Variants in MAPK8IP1 observed in about 807,000 individuals in gnomAD.
The protein encoded by MAPK8IP1 is mitogen-activated protein kinase 8 interacting protein 1, also known as C-Jun-amino-terminal kinase-interacting protein 1.
MAPK8IP1 carries 17 observed loss-of-function variants against 72.6 expected under a neutral mutation model. That is an observed-to-expected ratio of 0.23 (90% confidence interval 0.16 to 0.35). MAPK8IP1 has a LOEUF of 0.35. MAPK8IP1 is among the 10% of genes least tolerant of loss of function. The pLI is 1.00. For synonymous variants in MAPK8IP1, 401 were observed against 443.4 expected, an observed-to-expected ratio of 0.90 and a Z score of 1.20; for missense variants, 789 against 1,009.7, an observed-to-expected ratio of 0.78 and a Z score of 2.96.
intron 1 of MAPK8IP1, among the ~76,000 whole-genome samples, chr11:45,886,486 G>A (rs2086528521): frequency 6.6e-6 from 1 of 152,210 alleles, no homozygotes; most frequent in South Asian, 2.1e-4. Context: ...CAGGGCAGGC[G>A]CTGAAGGCTC....
chr11:45,897,247 G>A (rs2086615892), intron 1 of MAPK8IP1, among the ~76,000 whole-genome samples: 1 of 151,904 alleles, frequency 6.6e-6, no homozygotes, highest in South Asian at 2.1e-4. Context: ...ACCTAGAGGT[G>A]AGCAAGAGAC....
intron 3 of MAPK8IP1, among the ~76,000 whole-genome samples, chr11:45,901,770 G>A (rs1400651778): frequency 2.6e-5 from 4 of 152,212 alleles, no homozygotes; most frequent in Non-Finnish European, 5.9e-5. Context: ...GAGCAAGGCG[G>A]AGGGCCATCC....
chr11:45,903,433 A>G lies in MAPK8IP1; in HGVS notation c.1486A>G (p.Ile496Val), dbSNP rs764382303. 6.2e-7 allele frequency: 1 copy of G among 1,612,422 alleles called. No individual in the cohort carries two copies. The highest frequency in any genetic ancestry group is 2.2e-5 in the East Asian group (1 of 44,886). The change falls in exon 6 of 12, where the codon ATA (isoleucine) becomes GTA (valine). Residue 496 changes from isoleucine to valine, a missense_variant. Transcript: ENST00000241014. This position sits in a 1 kb window ranked among gnomAD's most constrained non-coding sequence, Gnocchi z 6.4. ...GGAGCAGGAGCAGACCCACCGGGCCATATTCAGGTGAGAGCCATGGGCTGG... is the reference window on the plus strand; with the variant it reads ...GGAGCAGGAGCAGACCCACCGGGCCGTATTCAGGTGAGAGCCATGGGCTGG... ...GEEQEQTHRA[I>V]FRFVPRHEDE...
Position 45,906,357 on chromosome 11 carries a change from CA to C in MAPK8IP1, c.*638del. On this transcript the variant is annotated 3_prime_UTR_variant, in exon 12 of 12. Coordinates refer to ENST00000241014, the MANE Select transcript of MAPK8IP1 (RefSeq NM_005456.4). The stretch of plus-strand genomic sequence containing the variant: ...CTCAGGCGGGGAGGAGGAGCTGCCG[CA>C]AGGCCCTGTCCCAGCAGAAGAGGGA... 1 of 533,102 alleles carries C rather than the reference CA, an allele frequency of 1.9e-6. No individual in the cohort carries two copies. The highest frequency in any genetic ancestry group is 5.3e-5 in the South Asian group (1 of 18,944). The allele number at this position is 533,102 out of a possible 1,614,324, so 33.0% of individuals were successfully genotyped here. A position where few individuals can be genotyped will look rare whatever the true frequency, so the allele number is the denominator to read the frequency against.
chr11:45,904,042 T>C lies in MAPK8IP1; in HGVS notation c.1547T>C (p.Leu516Pro). 1 of 1,614,034 alleles carries C rather than the reference T, an allele frequency of 6.2e-7. No homozygotes were observed. The highest frequency in any genetic ancestry group is 8.5e-7 in the Non-Finnish European group (1 of 1,180,014). The change falls in exon 7 of 12, where the codon CTA (leucine) becomes CCA (proline). Residue 516 changes from leucine (L) to proline (P), a missense_variant. By Grantham distance (98) the Leu-to-Pro change is moderately conservative. Transcript: ENST00000241014. This position sits in a 1 kb window ranked among gnomAD's most constrained non-coding sequence, Gnocchi z 6.4. The part of the protein sequence containing the change: ...ELELEVDDPL[L>P]VELQAEDYWY... ...GAGCTGGAAGTGGATGACCCTCTGC[T>C]AGTGGAGCTCCAGGCTGAAGACTAC...
intron 1 of MAPK8IP1, among the ~76,000 whole-genome samples, chr11:45,895,633 A>ATATAT (rs1332585667): frequency 4.7e-5 from 2 of 42,514 alleles, no homozygotes; most frequent in African/African-American, 9.6e-5. Context: ...AAAAAAAAAA[A>ATATAT]ATATATATAT....
chr11:45,899,157 TG>T (rs2134672750), intron 2 of MAPK8IP1, among the ~76,000 whole-genome samples: 1 of 152,316 alleles, frequency 6.6e-6, no homozygotes, highest in Non-Finnish European at 1.5e-5. Context: ...TTCCACTCTC[TG>T]GCCAGGCCAG....
intron 1 of MAPK8IP1, among the ~76,000 whole-genome samples, chr11:45,887,798 T>C (rs369593608): frequency 1.1e-4 from 17 of 152,366 alleles, no homozygotes; most frequent in African/African-American, 4.1e-4. Flanking sequence ...ACAAGGCCAG[T>C]GCGTGGGAAT....
At chr11:45,887,379 C>T (rs879578015) in intron 1 of MAPK8IP1, among the ~76,000 whole-genome samples, 2 of 152,212 alleles carry the variant, frequency 1.3e-5, no homozygotes, top group Admixed American at 6.5e-5. Context: ...CACTACGGCT[C>T]GCTGCTGTCC....
intron 1 of MAPK8IP1, among the ~76,000 whole-genome samples, chr11:45,895,639 T>A (rs1465728457): frequency 0.1 from 2,526 of 24,386 alleles, 63 homozygotes; most frequent in Middle Eastern, 0.29. Flanking sequence ...AAAAAATATA[T>A]ATATATATAT....
chr11:45,897,322 G>A (rs895900078), intron 1 of MAPK8IP1, among the ~76,000 whole-genome samples: 1 of 152,094 alleles, frequency 6.6e-6, no homozygotes, highest in Non-Finnish European at 1.5e-5. Context: ...CTGGCCTAGG[G>A]AGAGGGGGGT....
chr11:45,906,465 A>T lies in MAPK8IP1; in HGVS notation c.*744A>T. Reference sequence around the variant, plus strand: ...TATTAAAGTGCCATTTCCTGTCTGGACTGCAGTGGATGTATCTGCATGGGC... The same window carrying T: ...TATTAAAGTGCCATTTCCTGTCTGGTCTGCAGTGGATGTATCTGCATGGGC... On this transcript the variant is annotated 3_prime_UTR_variant, in exon 12 of 12. Coordinates refer to ENST00000241014, the MANE Select transcript of MAPK8IP1 (RefSeq NM_005456.4). The T allele has an allele frequency of 7.3e-7, 1 of 1,362,774 alleles. No homozygotes were observed. The highest frequency in any genetic ancestry group is 9.8e-7 in the Non-Finnish European group (1 of 1,023,808). The allele number at this position is 1,362,774 out of a possible 1,614,324, so 84.4% of individuals were successfully genotyped here.
chr11:45,896,054 C>T (rs2086602769), intron 1 of MAPK8IP1, among the ~76,000 whole-genome samples: 1 of 152,224 alleles, frequency 6.6e-6, no homozygotes, highest in Non-Finnish European at 1.5e-5. Context: ...GTGCAGTGCC[C>T]TCCAGGGGCC....
At chr11:45,897,109 G>C (rs1368093299) in intron 1 of MAPK8IP1, among the ~76,000 whole-genome samples, 1 of 152,156 alleles carries the variant, frequency 6.6e-6, no homozygotes, top group African/African-American at 2.4e-5. Context: ...CCTTGAACTA[G>C]TGGGTTTCCC....
intron 1 of MAPK8IP1, among the ~76,000 whole-genome samples, chr11:45,897,515 C>A (rs1415980866): frequency 3.3e-5 from 5 of 152,246 alleles, no homozygotes; most frequent in Non-Finnish European, 4.4e-5. Context: ...AAGTGCACAG[C>A]ATGAGGCTGG....
Position 45,906,018 on chromosome 11 carries a change from A to G in MAPK8IP1, c.*297A>G. On this transcript the variant is annotated 3_prime_UTR_variant, in exon 12 of 12. Coordinates refer to ENST00000241014, the MANE Select transcript of MAPK8IP1 (RefSeq NM_005456.4). Reference sequence around the variant, plus strand: ...AGAGAAGGATGTCCGTTCCAGGAGCACACGGCCCTGCCCCATCCTGGGCCT... The same window carrying G: ...AGAGAAGGATGTCCGTTCCAGGAGCGCACGGCCCTGCCCCATCCTGGGCCT... 1.8e-6 allele frequency: 1 copy of G among 545,944 alleles called. No homozygotes were observed. The highest frequency in any genetic ancestry group is 3.3e-6 in the Non-Finnish European group (1 of 301,736). The allele number at this position is 545,944 out of a possible 1,614,324, so 33.8% of individuals were successfully genotyped here.
intron 1 of MAPK8IP1, 86 bp from the exon 2 acceptor site, chr11:45,897,999 G>A: frequency 1.2e-6 from 1 of 814,444 alleles, no homozygotes; most frequent in African/African-American, 1.7e-5. Flanking sequence ...TGGCCTTCAA[G>A]AGGCTGCACC....
In MAPK8IP1 at chr11:45,895,614, C is replaced by T. The variant is rs1204320207; in HGVS notation, c.102-2471C>T. 1.1e-4 allele frequency among the ~76,000 whole-genome samples: 10 copies of T among 91,244 alleles called. No individual in the cohort carries two copies. The East Asian group carries it at 2.3e-3, about 21-fold the overall frequency. 59.9% of individuals were successfully genotyped at this position (91,244 alleles called of 152,430 possible). A position where few individuals can be genotyped will look rare whatever the true frequency, so the allele number is the denominator to read the frequency against. On this transcript the variant is annotated intron_variant, in intron 1 of 11. Coordinates refer to ENST00000241014, the MANE Select transcript of MAPK8IP1 (RefSeq NM_005456.4). ...CAGCCTGGGTGACAGAGCGAAAGGC[C>T]GTCTCAAAAAAAAAAAAAAATATAT... is the stretch of plus-strand genomic sequence containing the variant.
chr11:45,904,880 TC>T lies in MAPK8IP1; in HGVS notation c.1893+51del, dbSNP rs758547344. On this transcript the variant is annotated intron_variant, in intron 9 of 11. Transcript: ENST00000241014. The surrounding 1 kb of genome is among the most constrained non-coding windows in gnomAD (Gnocchi z 6.4). ...CCCTTCCTTCCATGGCCCCAAGCTC[TC>T]CCCCAAGACTTGTGATGAAGAGGCC... 9.9e-6 allele frequency: 16 copies of T among 1,608,436 alleles called. No individual in the cohort carries two copies. Among genetic ancestry groups the T allele is most frequent in the Non-Finnish European group, 1.2e-5 (14 of 1,175,020 alleles).
Sources: allele counts gnomAD v4.1 joint callset (sites outside exome capture counted in the v4.1 genomes callset), GRCh38; gene constraint gnomAD v4.1.1; non-coding constraint Gnocchi (gnomAD v3.1); transcripts MANE v1.5; gene names NCBI Gene and HGNC (gene_info 2026-07-23, HGNC 2026-07-21).